The following GRM8 variants were observed in gnomAD, a reference collection of about 807,000 sequenced individuals.
GRM8 encodes the protein glutamate metabotropic receptor 8, also known as metabotropic glutamate receptor 8.
A neutral mutation model predicts 87.2 loss-of-function variants in GRM8; 47 were observed. The ratio of observed to expected loss-of-function variants is 0.54; its 90% CI spans 0.43 to 0.69. The LOEUF is 0.69. Among genes scored for constraint, GRM8 ranks in the 30% least tolerant of loss-of-function variants. GRM8 has a pLI of 0.00. For missense variants in GRM8, 1,019 were observed against 1,139.2 expected (o/e 0.89, Z 1.52); for synonymous variants, 396 against 404.5 (o/e 0.98, Z 0.25).
intron 7 of GRM8, among the ~76,000 whole-genome samples, chr7:126,679,105 A>G (rs1006137040): frequency 6.6e-6 from 1 of 152,174 alleles, no homozygotes; most frequent in African/African-American, 2.4e-5. Context: ...TAAAGACTGT[A>G]GGCCATCTTC....
chr7:126,914,143 TACAG>T (rs1803612218), intron 3 of GRM8, among the ~76,000 whole-genome samples: 1 of 152,124 alleles, frequency 6.6e-6, no homozygotes, highest in African/African-American at 2.4e-5. Context: ...AAAGAAGACA[TACAG>T]GTGGCTAACA....
chr7:126,638,366 G>A (rs1802059093), intron 7 of GRM8, among the ~76,000 whole-genome samples: 1 of 151,398 alleles, frequency 6.6e-6, no homozygotes, highest in Non-Finnish European at 1.5e-5. Flanking sequence ...CCCACTATTA[G>A]CATAACTATT....
At chr7:126,525,127 T>G (rs565267510) in intron 9 of GRM8, among the ~76,000 whole-genome samples, 1 of 152,160 alleles carries the variant, frequency 6.6e-6, no homozygotes, top group Non-Finnish European at 1.5e-5. Flanking sequence ...GTGGGGTCTG[T>G]TTTCTTTGTT....
chr7:127,016,762 G>T (rs1424931720), intron 3 of GRM8, among the ~76,000 whole-genome samples: 1 of 152,042 alleles, frequency 6.6e-6, no homozygotes, highest in Non-Finnish European at 1.5e-5. Context: ...CCATGCAAAA[G>T]TTATACATTC....
chr7:126,773,125 G>T (rs916788711), intron 6 of GRM8, among the ~76,000 whole-genome samples: 4 of 151,874 alleles, frequency 2.6e-5, no homozygotes, highest in Non-Finnish European at 5.9e-5. Flanking sequence ...AATGGCAGAG[G>T]GAAATCTAAC....
At chr7:127,058,141 T>C (rs759605380) in intron 3 of GRM8, 3 of 522,208 alleles carry the variant, frequency 5.7e-6, no homozygotes, top group South Asian at 4.4e-5. Context: ...CGCTGTGCCA[T>C]CACAACACAT....
At chr7:127,082,168 G>A (rs923779243) in intron 3 of GRM8, 3 of 152,146 alleles carry the variant, frequency 2.0e-5, no homozygotes, top group African/African-American at 7.2e-5. Flanking sequence ...CACATGGGCT[G>A]ATAATCCTGA....
At chr7:126,902,076 A>T (rs1373701774) in intron 6 of GRM8, among the ~76,000 whole-genome samples, 1 of 152,214 alleles carries the variant, frequency 6.6e-6, no homozygotes, top group Non-Finnish European at 1.5e-5. Context: ...AGCATCTAAA[A>T]ATCATACATG....
intron 9 of GRM8, among the ~76,000 whole-genome samples, chr7:126,515,211 A>G (rs1284537956): frequency 6.6e-6 from 1 of 152,074 alleles, no homozygotes; most frequent in African/African-American, 2.4e-5. Flanking sequence ...ATATATCTTC[A>G]TTTACTATAC....
intron 1 of GRM8, among the ~76,000 whole-genome samples, chr7:127,244,338 C>T (rs1798469904): frequency 6.6e-6 from 1 of 152,168 alleles, no homozygotes; most frequent in Non-Finnish European, 1.5e-5. Context: ...TTTTGCCTGA[C>T]TCAGTGGGGA....
intron 9 of GRM8, among the ~76,000 whole-genome samples, chr7:126,520,834 T>C (rs965338553): frequency 3.9e-5 from 6 of 152,184 alleles, no homozygotes; most frequent in Non-Finnish European, 8.8e-5. Context: ...CTTCTTGCCA[T>C]CTTCTATACA....
chr7:127,017,287 T>C (rs1815780631), intron 3 of GRM8, among the ~76,000 whole-genome samples: 1 of 152,024 alleles, frequency 6.6e-6, no homozygotes, highest in African/African-American at 2.4e-5. Context: ...AATTGATTAT[T>C]CCATGAGTCA....
At chr7:127,040,004 GAGGAGGGAGGGGAGGGT>G (rs1818252287) in intron 3 of GRM8, among the ~76,000 whole-genome samples, 16 of 60,872 alleles carry the variant, frequency 2.6e-4, no homozygotes, top group Non-Finnish European at 3.4e-4. Context: ...AGGGGAGGGT[GAGGAGGGAGGGGAGGGT>G]GAGGAGGGAG....
At chr7:127,078,937 A>G (rs1462686148) in intron 3 of GRM8, among the ~76,000 whole-genome samples, 1 of 152,240 alleles carries the variant, frequency 6.6e-6, no homozygotes, top group South Asian at 2.1e-4. Context: ...ATTGACATTC[A>G]TCTATAAGGA....
At chr7:126,774,509 T>C (rs1312561843) in intron 6 of GRM8, among the ~76,000 whole-genome samples, 2 of 152,168 alleles carry the variant, frequency 1.3e-5, no homozygotes, top group African/African-American at 4.8e-5. Flanking sequence ...TAACAACATA[T>C]AGCAAAGTGT....
chr7:126,594,237 T>C (rs765183499), intron 8 of GRM8, among the ~76,000 whole-genome samples: 5 of 152,040 alleles, frequency 3.3e-5, no homozygotes, highest in African/African-American at 2.4e-5. Context: ...TCCTACTCGA[T>C]ATATATCCAG....
intron 7 of GRM8, among the ~76,000 whole-genome samples, chr7:126,709,864 C>A (rs1224662409): frequency 6.6e-6 from 1 of 152,038 alleles, no homozygotes; most frequent in African/African-American, 2.4e-5. Flanking sequence ...TCGTCACTTG[C>A]AACAACGCGG....
chr7:126,575,203 T>A (rs1795008446), intron 8 of GRM8, among the ~76,000 whole-genome samples: 2 of 151,014 alleles, frequency 1.3e-5, no homozygotes, highest in Admixed American at 6.7e-5. Context: ...GGCACAGGCA[T>A]CAGATTCTCA....
intron 7 of GRM8, among the ~76,000 whole-genome samples, chr7:126,659,115 A>G (rs893222635): frequency 7.0e-6 from 1 of 141,944 alleles, no homozygotes; most frequent in Non-Finnish European, 1.5e-5. Flanking sequence ...CTTGTTATCT[A>G]CTCTTAGAGA....
Sources: allele counts gnomAD v4.1 joint callset (sites outside exome capture counted in the v4.1 genomes callset), GRCh38; gene constraint gnomAD v4.1.1; transcripts MANE v1.5; gene names NCBI Gene and HGNC (gene_info 2026-07-23, HGNC 2026-07-21).